ATXN7: variants seen among roughly 807,000 people sequenced by gnomAD.
The protein encoded by ATXN7 is ataxin-7.
ATXN7 carries 12 observed loss-of-function variants against 70.5 expected under a neutral mutation model. The ratio of observed to expected loss-of-function variants is 0.17; its 90% CI spans 0.11 to 0.28. The LOEUF is 0.28. Among genes scored for constraint, ATXN7 ranks in the 10% least tolerant of loss-of-function variants. The pLI, the probability that ATXN7 is intolerant of heterozygous loss-of-function variation, is 1.00. For missense variants in ATXN7, 1,256 were observed against 1,131.7 expected, an observed-to-expected ratio of 1.11 and a Z score of -1.58; for synonymous variants, 498 against 448.7, an observed-to-expected ratio of 1.11 and a Z score of -1.39.
intron 1 of ATXN7, among the ~76,000 whole-genome samples, chr3:63,871,052 C>A (rs1440944044): frequency 6.6e-6 from 1 of 152,200 alleles, no homozygotes; most frequent in African/African-American, 2.4e-5. Flanking sequence ...GACCTGATAA[C>A]TGCTCTAACT....
intron 8 of ATXN7, among the ~76,000 whole-genome samples, chr3:63,985,374 G>T (rs1575989782): frequency 1.3e-5 from 2 of 152,298 alleles, no homozygotes; most frequent in African/African-American, 2.4e-5. Flanking sequence ...TAAGTCTTGA[G>T]ACCCAGCTTG....
chr3:63,994,035 A>G lies in ATXN7; in HGVS notation c.1683-1470A>G, dbSNP rs952866379. ...CGGGGAGAGAGAGCCTAGCCTCTCAATCTTGGCTCCACATTAGAATCCCCT... is the reference window on the plus strand; with the variant it reads ...CGGGGAGAGAGAGCCTAGCCTCTCAGTCTTGGCTCCACATTAGAATCCCCT... On this transcript the variant is annotated intron_variant, in intron 11 of 12. Coordinates refer to ENST00000674280, the MANE Select transcript of ATXN7 (RefSeq NM_001377405.1). Among the ~76,000 whole-genome samples, 3 of 152,142 alleles carry G rather than the reference A, an allele frequency of 2.0e-5. No individual in the cohort carries two copies. In the East Asian group the frequency reaches 5.8e-4, roughly 29 times the overall value.
At chr3:63,990,100 C>A in intron 9 of ATXN7, 76 bp from the exon 10 acceptor site, 1 of 1,433,666 alleles carries the variant, frequency 7.0e-7, no homozygotes, top group Non-Finnish European at 9.7e-7. Context: ...GTTTTGGACA[C>A]ACTGTTGTAT....
chr3:63,955,188 CAGG>C (rs1173095246), intron 5 of ATXN7, among the ~76,000 whole-genome samples: 2 of 152,174 alleles, frequency 1.3e-5, no homozygotes, highest in South Asian at 2.1e-4. Context: ...TGTGGCTTGG[CAGG>C]AGATGTGACT....
chr3:63,935,162 A>T (rs2074635634), intron 4 of ATXN7, among the ~76,000 whole-genome samples: 1 of 152,314 alleles, frequency 6.6e-6, no homozygotes, highest in South Asian at 2.1e-4. Context: ...CTGCTCTTCC[A>T]CTATTGAAAG....
At chr3:63,913,907 TG>T (rs1362889394) in intron 4 of ATXN7, among the ~76,000 whole-genome samples, 1 of 152,226 alleles carries the variant, frequency 6.6e-6, no homozygotes, top group Non-Finnish European at 1.5e-5. Context: ...GCCAGGTATC[TG>T]GAAAGTGTCA....
In ATXN7 at chr3:63,999,575, C is replaced by G. The variant is rs1209105595; in HGVS notation, c.*108C>G. 10 of 1,560,626 alleles carry G rather than the reference C, an allele frequency of 6.4e-6. No individual in the cohort carries two copies. Among genetic ancestry groups the G allele is most frequent in the Admixed American group, 1.9e-5 (1 of 53,102 alleles). On this transcript the variant is annotated 3_prime_UTR_variant, in exon 13 of 13. Coordinates refer to ENST00000674280, the MANE Select transcript of ATXN7 (RefSeq NM_001377405.1). The stretch of plus-strand genomic sequence containing the variant: ...ATGCCTTTGAGTCTGTTTTCCCAAC[C>G]TCCTGTGGGCCTCAAGGGTAGAAAC...
chr3:63,865,591 T>TG (rs1267387656), intron 1 of ATXN7, among the ~76,000 whole-genome samples: 2 of 151,954 alleles, frequency 1.3e-5, no homozygotes, highest in African/African-American at 4.8e-5. Flanking sequence ...GGATAGTTAT[T>TG]GTTTAGAAAG....
intron 4 of ATXN7, among the ~76,000 whole-genome samples, chr3:63,933,443 C>G (rs2074594508): frequency 6.6e-6 from 1 of 152,250 alleles, no homozygotes; most frequent in African/African-American, 2.4e-5. Context: ...CTGAAAGTAC[C>G]TAGGACATTA....
At chr3:63,958,786 C>T (rs1433431574) in intron 5 of ATXN7, among the ~76,000 whole-genome samples, 2 of 152,154 alleles carry the variant, frequency 1.3e-5, no homozygotes, top group East Asian at 3.8e-4. Context: ...TAACAATCCA[C>T]TGAATAGATT....
At chr3:63,970,389 C>G (rs536417670) in intron 5 of ATXN7, among the ~76,000 whole-genome samples, 26 of 151,992 alleles carry the variant, frequency 1.7e-4, no homozygotes, top group Middle Eastern at 3.4e-3. Context: ...TTATGTAAGA[C>G]AAGCTGTTTT....
At chr3:63,978,145 G>T (rs1462256321) in intron 5 of ATXN7, among the ~76,000 whole-genome samples, 4 of 152,190 alleles carry the variant, frequency 2.6e-5, no homozygotes, top group Non-Finnish European at 5.9e-5. Context: ...AGGGAAACTT[G>T]TCAAAAATCT....
chr3:63,967,964 A>C (rs1445354673), intron 5 of ATXN7: 41 of 1,535,544 alleles, frequency 2.7e-5, no homozygotes, highest in Non-Finnish European at 3.4e-5. Context: ...CAGGAGCTGA[A>C]AGCTCCACTG....
intron 1 of ATXN7, among the ~76,000 whole-genome samples, chr3:63,867,631 G>C (rs1301762020): frequency 6.7e-6 from 1 of 149,878 alleles, no homozygotes; most frequent in Non-Finnish European, 1.5e-5. Context: ...AGGCCAAGGC[G>C]GGTGGATCAT....
intron 2 of ATXN7, among the ~76,000 whole-genome samples, chr3:63,908,361 A>C (rs1047645328): frequency 6.6e-6 from 1 of 152,242 alleles, no homozygotes; most frequent in Non-Finnish European, 1.5e-5. Flanking sequence ...CTGGAGAAGA[A>C]CGAGGAAAGG....
At chr3:63,931,090 C>G (rs1015058334) in intron 4 of ATXN7, among the ~76,000 whole-genome samples, 1 of 151,948 alleles carries the variant, frequency 6.6e-6, no homozygotes, top group African/African-American at 2.4e-5. Flanking sequence ...ATGGTATATA[C>G]AGTAGAAGTT....
At chr3:63,968,072 C>T in intron 5 of ATXN7, 1 of 977,524 alleles carries the variant, frequency 1.0e-6, no homozygotes, top group Non-Finnish European at 1.5e-6. Flanking sequence ...GCTAACCTTA[C>T]ATAGAACCAA....
intron 8 of ATXN7, among the ~76,000 whole-genome samples, chr3:63,984,210 T>A (rs368890354): frequency 2.3e-3 from 338 of 145,028 alleles, no homozygotes; most frequent in East Asian, 0.014. Context: ...ATCTCATTTT[T>A]AAAAAAAAAA....
chr3:63,869,715 G>A (rs1376675551), intron 1 of ATXN7, among the ~76,000 whole-genome samples: 2 of 152,146 alleles, frequency 1.3e-5, no homozygotes, highest in African/African-American at 2.4e-5. Context: ...GTGAGCTACC[G>A]CACCCTGCTA....
Sources: gnomAD v4.1 joint callset for allele counts (sites outside exome capture counted in the v4.1 genomes callset) on GRCh38, gnomAD v4.1.1 for gene constraint, MANE v1.5 for transcripts, NCBI Gene and HGNC (gene_info 2026-07-23, HGNC 2026-07-21) for gene names.